RARB: variants seen among roughly 807,000 people sequenced by gnomAD.
RARB encodes HBV-activated protein.
Under a neutral mutation model 51.9 loss-of-function variants are expected in RARB, and 17 were observed. That is an observed-to-expected ratio of 0.33 (90% CI 0.22 to 0.49). The LOEUF (loss-of-function observed/expected upper bound fraction) is 0.49. Ranked by LOEUF, RARB falls within the 20% of genes least tolerant of loss-of-function variation. The probability of loss-of-function intolerance (pLI) is 0.99; values close to 1 mark genes in which losing one functional copy is unlikely to be tolerated. For missense variants in RARB, 369 were observed against 550.8 expected (o/e 0.67, Z 3.30); for synonymous variants, 215 against 195.4 (o/e 1.10, Z -0.84).
chr3:24,911,595 A>G (rs1043455025), intron 2 of RARB, among the ~76,000 whole-genome samples: 1 of 152,190 alleles, frequency 6.6e-6, no homozygotes, highest in Non-Finnish European at 1.5e-5. Context: ...CTTAACACTG[A>G]AAAATTTGAA....
chr3:24,968,028 A>G (rs1696315343), intron 2 of RARB, among the ~76,000 whole-genome samples: 2 of 152,126 alleles, frequency 1.3e-5, no homozygotes, highest in Non-Finnish European at 2.9e-5. Context: ...AGCTCTTTGG[A>G]GCTTTGGTGT....
At chr3:25,549,640 CA>C (rs1251947518) in intron 3 of RARB, among the ~76,000 whole-genome samples, 2 of 152,070 alleles carry the variant, frequency 1.3e-5, no homozygotes, top group East Asian at 3.9e-4. Context: ...CTGAGCACCT[CA>C]TTTTAAGAGG....
intron 1 of RARB, among the ~76,000 whole-genome samples, chr3:25,460,780 G>C (rs917213290): frequency 6.6e-5 from 10 of 152,154 alleles, no homozygotes; most frequent in African/African-American, 1.9e-4. Flanking sequence ...AGGTCAAGTC[G>C]TTTGAGATTC....
intron 5 of RARB, among the ~76,000 whole-genome samples, chr3:25,379,538 T>A (rs1243000542): frequency 6.6e-6 from 1 of 152,218 alleles, no homozygotes; most frequent in South Asian, 2.1e-4. Flanking sequence ...TAACGTGCTA[T>A]GCAAATGTGT....
chr3:24,968,317 T>G (rs907459875), intron 2 of RARB, among the ~76,000 whole-genome samples: 1 of 152,120 alleles, frequency 6.6e-6, no homozygotes, highest in Non-Finnish European at 1.5e-5. Flanking sequence ...AATGACTGGG[T>G]ACAAGATCTT....
At chr3:25,393,543 A>T (rs1707031947) in intron 5 of RARB, among the ~76,000 whole-genome samples, 1 of 152,024 alleles carries the variant, frequency 6.6e-6, no homozygotes, top group South Asian at 2.1e-4. Context: ...GCAGTTTTTT[A>T]AATTACCATT....
At chr3:25,546,260 C>T (rs77285114) in intron 3 of RARB, among the ~76,000 whole-genome samples, 7,843 of 152,274 alleles carry the variant, frequency 0.052, 210 homozygotes, top group Non-Finnish European at 0.062. Context: ...TCCAGCTTTT[C>T]TCTCTTACTT....
chr3:24,879,360 C>T (rs746706474), intron 2 of RARB, among the ~76,000 whole-genome samples: 26 of 151,476 alleles, frequency 1.7e-4, no homozygotes, highest in Admixed American at 5.9e-4. Context: ...ACCCGGGAGG[C>T]GGAGCTTGCA....
At chr3:25,436,980 G>A (rs1193826088) in intron 1 of RARB, among the ~76,000 whole-genome samples, 1 of 152,154 alleles carries the variant, frequency 6.6e-6, no homozygotes, top group Non-Finnish European at 1.5e-5. Flanking sequence ...CTACATTGCA[G>A]GATCTGTAGA....
intron 3 of RARB, among the ~76,000 whole-genome samples, chr3:25,556,236 CAG>C (rs1395606271): frequency 6.6e-6 from 1 of 152,108 alleles, no homozygotes; most frequent in Non-Finnish European, 1.5e-5. Flanking sequence ...CCTTTACAGA[CAG>C]TGCAATTTGG....
At chr3:25,272,863 C>T (rs1244761059) in intron 5 of RARB, among the ~76,000 whole-genome samples, 2 of 152,190 alleles carry the variant, frequency 1.3e-5, no homozygotes, top group South Asian at 2.1e-4. Context: ...TTCGTCCCAC[C>T]TGAGCCTCAG....
chr3:25,400,498 C>G (rs1325064899), intron 5 of RARB, among the ~76,000 whole-genome samples: 1 of 152,042 alleles, frequency 6.6e-6, no homozygotes, highest in Non-Finnish European at 1.5e-5. Flanking sequence ...GAAAGAAGGT[C>G]TCAATATTCT....
chr3:25,315,109 T>G (rs1704389150), intron 5 of RARB, among the ~76,000 whole-genome samples: 1 of 152,200 alleles, frequency 6.6e-6, no homozygotes, highest in Non-Finnish European at 1.5e-5. Context: ...TTGGTGGACA[T>G]TTAAAATTCA....
At chr3:24,999,913 A>G in intron 2 of RARB, among the ~76,000 whole-genome samples, 1 of 152,046 alleles carries the variant, frequency 6.6e-6, no homozygotes, top group East Asian at 1.9e-4. Flanking sequence ...TGCAAGGTAA[A>G]AAAGAGACCC....
intron 5 of RARB, among the ~76,000 whole-genome samples, chr3:25,278,454 T>C (rs1013529262): frequency 4.6e-5 from 7 of 152,150 alleles, no homozygotes; most frequent in African/African-American, 1.7e-4. Flanking sequence ...TTATAGAACA[T>C]GTGGTCTATA....
At chr3:25,148,324 C>A (rs1172503581) in intron 4 of RARB, among the ~76,000 whole-genome samples, 2 of 152,164 alleles carry the variant, frequency 1.3e-5, no homozygotes, top group Non-Finnish European at 2.9e-5. Context: ...TTTTAAAGAA[C>A]ATATGTGTTG....
chr3:24,971,883 G>T (rs1406632218), intron 2 of RARB, among the ~76,000 whole-genome samples: 1 of 151,800 alleles, frequency 6.6e-6, no homozygotes, highest in Non-Finnish European at 1.5e-5. Flanking sequence ...TTTTATTTTT[G>T]TTATATTGAT....
chr3:25,124,676 C>T lies in RARB; in HGVS notation c.-327-7485C>T, dbSNP rs548419165. 4.9e-4 allele frequency among the ~76,000 whole-genome samples: 75 copies of T among 152,294 alleles called. 1 individual carries two copies. The South Asian group carries it at 5.0e-3, about 10-fold the overall frequency. ...TCCTTGTGAACCTGTTAAGCATATC[C>T]GCTGAAATGCAGCTTTGAGGTTTTG... On this transcript the variant is annotated intron_variant, in intron 3 of 11. Transcript: ENST00000383772.
At chr3:25,429,694 C>G (rs1708126191) in intron 1 of RARB, among the ~76,000 whole-genome samples, 1 of 152,164 alleles carries the variant, frequency 6.6e-6, no homozygotes, top group Non-Finnish European at 1.5e-5. Flanking sequence ...ATTTTGTTAT[C>G]TGATGCTGAC....
Sources: gnomAD v4.1 joint callset for allele counts (sites outside exome capture counted in the v4.1 genomes callset) on GRCh38, gnomAD v4.1.1 for gene constraint, MANE v1.5 for transcripts, NCBI Gene and HGNC (gene_info 2026-07-23, HGNC 2026-07-21) for gene names.